Variants in KDM4B observed in about 807,000 individuals in gnomAD.
KDM4B encodes lysine demethylase 4B.
A neutral mutation model predicts 125.2 loss-of-function variants in KDM4B; 32 were observed. The ratio of observed to expected loss-of-function variants is 0.26; its 90% CI spans 0.19 to 0.34. The LOEUF is 0.34. Ranked by LOEUF, KDM4B falls within the 10% of genes least tolerant of loss-of-function variation. The pLI, the probability that KDM4B is intolerant of heterozygous loss-of-function variation, is 1.00. For synonymous variants in KDM4B, 721 were observed against 677.9 expected, an observed-to-expected ratio of 1.06 and a Z score of -0.99; for missense variants, 1,190 against 1,577.7, an observed-to-expected ratio of 0.75 and a Z score of 4.16.
intron 11 of KDM4B, among the ~76,000 whole-genome samples, chr19:5,124,753 G>T (rs888381370): frequency 4.6e-5 from 7 of 152,126 alleles, no homozygotes; most frequent in Non-Finnish European, 5.9e-5. Context: ...CCGCCACCAT[G>T]CCCTGCTAAT....
chr19:5,049,162 G>C (rs1048190366), intron 6 of KDM4B, among the ~76,000 whole-genome samples: 8 of 152,132 alleles, frequency 5.3e-5, no homozygotes, highest in Non-Finnish European at 7.4e-5. Flanking sequence ...GGCGGCAGTG[G>C]GGCCCGGCCA....
intron 6 of KDM4B, among the ~76,000 whole-genome samples, chr19:5,061,889 A>G (rs1023159615): frequency 6.6e-6 from 1 of 152,020 alleles, no homozygotes; most frequent in Non-Finnish European, 1.5e-5. Context: ...GAAGAAAGAA[A>G]TAGGGTAGCT....
chr19:5,055,268 C>T (rs529940754), intron 6 of KDM4B, among the ~76,000 whole-genome samples: 1 of 152,382 alleles, frequency 6.6e-6, no homozygotes, highest in South Asian at 2.1e-4. Context: ...GGGGCTCCCA[C>T]CGTACCTGTC....
intron 6 of KDM4B, among the ~76,000 whole-genome samples, chr19:5,049,945 C>T (rs1484039548): frequency 1.3e-5 from 2 of 151,714 alleles, no homozygotes; most frequent in African/African-American, 4.8e-5. Flanking sequence ...AGTGTCTGGC[C>T]TCTGGTCCCT....
intron 1 of KDM4B, among the ~76,000 whole-genome samples, chr19:4,969,860 C>G (rs1257212642): frequency 6.6e-6 from 1 of 151,712 alleles, no homozygotes; most frequent in Non-Finnish European, 1.5e-5. Context: ...ACCCGAAACC[C>G]CCACCCCGCC....
At position 5,067,967 on chromosome 19, in the gene KDM4B, C is replaced by T. The variant is rs80031261; in HGVS notation, c.627-3043C>T. Among the ~76,000 whole-genome samples, 58 of 152,338 alleles carry T rather than the reference C, an allele frequency of 3.8e-4. 2 individuals carry two copies. The East Asian group carries it at 9.8e-3, about 26-fold the overall frequency. ...AGTGAGACAAACTGCCTCCCCGTGT[C>T]AGTGGCCAATAAACCTGACTTGGTT... On this transcript the variant is annotated intron_variant, in intron 6 of 22. Coordinates refer to ENST00000159111, the MANE Select transcript of KDM4B (RefSeq NM_015015.3).
At chr19:5,019,180 G>C (rs1274333370) in intron 2 of KDM4B, among the ~76,000 whole-genome samples, 1 of 147,334 alleles carries the variant, frequency 6.8e-6, no homozygotes, top group Admixed American at 6.8e-5. Flanking sequence ...GCTGGTGTGG[G>C]TGTTGGTGTG....
intron 2 of KDM4B, among the ~76,000 whole-genome samples, chr19:5,017,003 C>T (rs1011849280): frequency 1.3e-5 from 2 of 152,194 alleles, no homozygotes; most frequent in Admixed American, 6.5e-5. Flanking sequence ...CAGTGTCCTC[C>T]CGTCAAGGCA....
rs753934716 is a variant in KDM4B at position 5,035,736 on chromosome 19, C to T, written c.141+2705C>T. On this transcript the variant is annotated intron_variant, in intron 3 of 22. Transcript: ENST00000159111. The surrounding 1 kb of genome is among the most constrained non-coding windows in gnomAD (Gnocchi z 5.3). ...CGTGTTCCTTCCCATGCCTCTGCAGCGGCAGCTCCCATGCTGCTTCTCCTT... is the reference window on the plus strand; with the variant it reads ...CGTGTTCCTTCCCATGCCTCTGCAGTGGCAGCTCCCATGCTGCTTCTCCTT... 2.5e-4 allele frequency among the ~76,000 whole-genome samples: 38 copies of T among 152,222 alleles called. No homozygotes were observed. Among genetic ancestry groups the T allele is most frequent in the Non-Finnish European group, 3.7e-4 (25 of 68,010 alleles).
intron 9 of KDM4B, among the ~76,000 whole-genome samples, chr19:5,101,802 G>A (rs2038941249): frequency 6.6e-6 from 1 of 152,184 alleles, no homozygotes; most frequent in Non-Finnish European, 1.5e-5. Context: ...TGTTATGGGG[G>A]AGCCCACATC....
intron 9 of KDM4B, among the ~76,000 whole-genome samples, chr19:5,084,495 A>G (rs1255734400): frequency 7.8e-6 from 1 of 127,634 alleles, no homozygotes; most frequent in Admixed American, 9.4e-5. Flanking sequence ...ATATGTTATA[A>G]TTTATATATT....
At chr19:4,998,281 G>A (rs922983157) in intron 1 of KDM4B, among the ~76,000 whole-genome samples, 1 of 152,232 alleles carries the variant, frequency 6.6e-6, no homozygotes, top group Non-Finnish European at 1.5e-5. Context: ...AGGTGACCAA[G>A]CCTGTGTCTG....
intron 1 of KDM4B, among the ~76,000 whole-genome samples, chr19:4,988,641 C>G (rs922711359): frequency 1.3e-5 from 2 of 152,138 alleles, no homozygotes; most frequent in Non-Finnish European, 2.9e-5. Flanking sequence ...CTGTTACTTA[C>G]GTTTACCAGC....
chr19:5,082,390 C>G lies in KDM4B; in HGVS notation c.804C>G (p.Phe268Leu). Residue 268 changes from phenylalanine to leucine, a missense_variant, in exon 9 of 23, where the codon TTC (phenylalanine) becomes TTG (leucine). By Grantham distance (22) the Phe-to-Leu change is conservative. Coordinates refer to ENST00000159111, the MANE Select transcript of KDM4B (RefSeq NM_015015.3). This position sits in a 1 kb window ranked among gnomAD's most constrained non-coding sequence, Gnocchi z 5.4. ...AGATCACGCAGGAGGCCGGGGAATT[C>G]ATGATCACATTTCCCTACGGCTACC... The part of the protein sequence containing the change: ...FSRITQEAGE[F>L]MITFPYGYHA... 1 of 1,613,806 alleles carries G rather than the reference C, an allele frequency of 6.2e-7. No individual in the cohort carries two copies. The highest frequency in any genetic ancestry group is 1.1e-5 in the South Asian group (1 of 91,086).
At chr19:5,088,499 G>T (rs1005999244) in intron 9 of KDM4B, among the ~76,000 whole-genome samples, 1 of 152,168 alleles carries the variant, frequency 6.6e-6, no homozygotes, top group African/African-American at 2.4e-5. Context: ...GAGGTCGATG[G>T]GGGGGAGGTT....
chr19:5,039,802 G>T, intron 3 of KDM4B, 34 bp from the exon 4 acceptor site: 1 of 1,603,304 alleles, frequency 6.2e-7, no homozygotes, highest in Non-Finnish European at 8.5e-7. Flanking sequence ...CTGAGGGTCT[G>T]AGGGTGCCAC....
At chr19:5,016,209 G>A (rs1407716239) in intron 1 of KDM4B, 48 bp from the exon 2 acceptor site, 1 of 152,250 alleles carries the variant, frequency 6.6e-6, no homozygotes, top group African/African-American at 2.4e-5. Flanking sequence ...ATTAAAACTT[G>A]AGCGTGCCAT....
At chr19:4,969,675 C>G (rs909274099) in intron 1 of KDM4B, among the ~76,000 whole-genome samples, 1 of 152,112 alleles carries the variant, frequency 6.6e-6, no homozygotes, top group Non-Finnish European at 1.5e-5. Context: ...ACCCCAGCCC[C>G]TGGGTAACCC....
At chr19:5,027,454 G>A (rs1395428536) in intron 2 of KDM4B, among the ~76,000 whole-genome samples, 1 of 151,996 alleles carries the variant, frequency 6.6e-6, no homozygotes, top group Non-Finnish European at 1.5e-5. Context: ...AAGAGTGCCA[G>A]TTTCCTCTCT....
Sources: gnomAD v4.1 joint callset for allele counts (sites outside exome capture counted in the v4.1 genomes callset) on GRCh38, gnomAD v4.1.1 for gene constraint, Gnocchi (gnomAD v3.1) non-coding constraint, MANE v1.5 for transcripts, NCBI Gene and HGNC (gene_info 2026-07-23, HGNC 2026-07-21) for gene names.